LRRC4B: variants seen among roughly 807,000 people sequenced by gnomAD.
LRRC4B encodes leucine rich repeat containing 4B.
In LRRC4B, 1 loss-of-function variant was observed where a neutral mutation model predicts 7.3. The ratio of observed to expected loss-of-function variants is 0.14; its 90% CI spans 0.05 to 0.65. The LOEUF is 0.65. LRRC4B is among the 30% of genes least tolerant of loss of function. The pLI, the probability that LRRC4B is intolerant of heterozygous loss-of-function variation, is 0.84. For synonymous variants in LRRC4B, 500 were observed against 499.2 expected (o/e 1.00, Z -0.02); for missense variants, 730 against 1,041.6 (o/e 0.70, Z 4.12).
chr19:50,519,075 T>C lies in LRRC4B; in HGVS notation c.638A>G (p.Asn213Ser). ...GTCCTTGAGGTTGCACATGCCCAGGTTGAGGTAGCGCAGGTTGACCAGCCC... is the reference window on the plus strand; with the variant it reads ...GTCCTTGAGGTTGCACATGCCCAGGCTGAGGTAGCGCAGGTTGACCAGCCC... ...FEGLVNLRYL[N>S]LGMCNLKDIP... The change falls in exon 3 of 3, where the codon AAC becomes AGC. Residue 213 changes from asparagine to serine, a missense_variant. Asn to Ser is a conservative substitution (Grantham distance 46). Around this residue, in one of 6 missense-constraint regions of LRRC4B, gnomAD observed 226 missense variants for 448.0 expected, o/e 0.50. Transcript: ENST00000652263. This position sits in a 1 kb window ranked among gnomAD's most constrained non-coding sequence, Gnocchi z 8.1. 6.2e-7 allele frequency: 1 copy of C among 1,608,844 alleles called. No homozygotes were observed. The highest frequency in any genetic ancestry group is 8.5e-7 in the Non-Finnish European group (1 of 1,179,856).
rs146424207 is a variant in LRRC4B, at chr19:50,545,178, C to T, written c.297+3364G>A. Among the ~76,000 whole-genome samples the T allele has an allele frequency of 4.3e-3, 647 of 150,842 alleles. 20 individuals carry two copies. Among genetic ancestry groups the T allele is most frequent in the Admixed American group, 0.04 (598 of 15,134 alleles). ...ATCCTGGCACTTTGGGAGTCCGAGG[C>T]GGGCAGATCATCTGAGGTCGGGAGT... On this transcript the variant is annotated intron_variant, in intron 2 of 2. Transcript: ENST00000652263.
In LRRC4B at chr19:50,519,466, G is replaced by C; in HGVS notation, c.298-51C>G. On this transcript the variant is annotated intron_variant, in intron 2 of 2. Transcript: ENST00000652263. The surrounding 1 kb of genome is among the most constrained non-coding windows in gnomAD (Gnocchi z 8.1). ...TCACGGAGATACTGACGGGGACCGT[G>C]GGGGGATCACCAAGGTCCCGGGCGC... The C allele has an allele frequency of 6.7e-7, 1 of 1,484,660 alleles. No homozygotes were observed. The highest frequency in any genetic ancestry group is 1.4e-5 in the African/African-American group (1 of 71,820). The allele number at this position is 1,484,660 out of a possible 1,614,324, so 92.0% of individuals were successfully genotyped here.
chr19:50,567,440 G>C (rs577274226), intron 1 of LRRC4B, among the ~76,000 whole-genome samples: 1 of 151,602 alleles, frequency 6.6e-6, no homozygotes, highest in Admixed American at 6.6e-5. Flanking sequence ...CACGGCAACC[G>C]CTCTTGCCAG....
At chr19:50,547,855 G>A (rs1981880887) in intron 2 of LRRC4B, among the ~76,000 whole-genome samples, 1 of 151,784 alleles carries the variant, frequency 6.6e-6, no homozygotes, top group African/African-American at 2.4e-5. Context: ...TTGAGTGGCA[G>A]CTGCCCCATC....
chr19:50,567,488 C>T (rs1982667607), intron 1 of LRRC4B, among the ~76,000 whole-genome samples: 1 of 151,882 alleles, frequency 6.6e-6, no homozygotes, highest in African/African-American at 2.4e-5. Flanking sequence ...CGCCTCTCCC[C>T]CCTCCCCATC....
In LRRC4B at chr19:50,518,083, G is replaced by A. The variant is rs751453302; in HGVS notation, c.1630C>T (p.Arg544Cys). 3 of 1,595,564 alleles carry A rather than the reference G, an allele frequency of 1.9e-6. No individual in the cohort carries two copies. Among genetic ancestry groups the A allele is most frequent in the Non-Finnish European group, 2.6e-6 (3 of 1,173,886 alleles). Residue 544 changes from arginine (R) to cysteine (C), a missense_variant, in exon 3 of 3, where the codon CGC becomes TGC. Arg to Cys is a radical substitution (Grantham distance 180). Coordinates refer to ENST00000652263, the MANE Select transcript of LRRC4B (RefSeq NM_001080457.2). ...GCCTTCTCCGTGGGCCGCGAGGAGC[G>A]CGGGGCGGGTGCCGTGGTAGAAGAC... Reference protein sequence around the residue: ...ASSSTTAPAPRSSRPTEKAFT... With the variant: ...ASSSTTAPAPCSSRPTEKAFT...
chr19:50,543,852 CA>C (rs36044151), intron 2 of LRRC4B, among the ~76,000 whole-genome samples: 441 of 83,364 alleles, frequency 5.3e-3, no homozygotes, highest in African/African-American at 0.015. Flanking sequence ...GCCTCCATCT[CA>C]AAAAAAAAAA....
chr19:50,559,049 A>G (rs1478251101), intron 1 of LRRC4B, among the ~76,000 whole-genome samples: 3 of 152,254 alleles, frequency 2.0e-5, no homozygotes, highest in Non-Finnish European at 4.4e-5. Context: ...ACAGAAGGGC[A>G]CACTGAGGCA....
At chr19:50,559,909 A>ATG (rs1267125961) in intron 1 of LRRC4B, among the ~76,000 whole-genome samples, 8 of 152,126 alleles carry the variant, frequency 5.3e-5, no homozygotes, top group Non-Finnish European at 4.4e-5. Context: ...TGAGGCGGGC[A>ATG]GATCACTTGA....
chr19:50,551,301 G>A (rs1255996155), intron 1 of LRRC4B, among the ~76,000 whole-genome samples: 1 of 151,128 alleles, frequency 6.6e-6, no homozygotes, highest in Non-Finnish European at 1.5e-5. Context: ...TTCCTGTCGA[G>A]ATCGTGCTGG....
chr19:50,522,459 ATTATTTATTTATTTAT>A (rs71332009), intron 2 of LRRC4B, among the ~76,000 whole-genome samples: 1 of 147,094 alleles, frequency 6.8e-6, no homozygotes, highest in East Asian at 2.0e-4. Flanking sequence ...TATTTTATTT[ATTATTTATTTATTTAT>A]TTATTTATTT....
chr19:50,558,797 G>C (rs1982366308), intron 1 of LRRC4B, among the ~76,000 whole-genome samples: 1 of 152,232 alleles, frequency 6.6e-6, no homozygotes, highest in African/African-American at 2.4e-5. Flanking sequence ...CTGAGTCCCT[G>C]AAGTGCCGCT....
chr19:50,518,312 G>T lies in LRRC4B; in HGVS notation c.1401C>A (p.Gly467=), dbSNP rs576432220. 6.2e-7 allele frequency: 1 copy of T among 1,604,760 alleles called. No homozygotes were observed. The highest frequency in any genetic ancestry group is 1.3e-5 in the African/African-American group (1 of 74,620). Residue 467 remains glycine, a synonymous_variant, in exon 3 of 3, where the codon GGC becomes GGA. Coordinates refer to ENST00000652263, the MANE Select transcript of LRRC4B (RefSeq NM_001080457.2). Reference sequence around the variant, plus strand: ...CACCACTGCCCCCAGGGCCGCCCCCGCCGCTGCCGGTGCCCCCGGCCGCCA... The same window carrying T: ...CACCACTGCCCCCAGGGCCGCCCCCTCCGCTGCCGGTGCCCCCGGCCGCCA... ...DPVAAGGTGS[G]GGGPGGSGGV...
chr19:50,529,091 T>C lies in LRRC4B; in HGVS notation c.298-9676A>G, dbSNP rs564893148. 3.3e-5 allele frequency among the ~76,000 whole-genome samples: 5 copies of C among 152,178 alleles called. No individual in the cohort carries two copies. The South Asian group carries it at 1.0e-3, about 32-fold the overall frequency. ...CCCCCCCAGAGCTTGCATTTCTTCCTCAGAGAGAGTATCTGGGGAAGAACC... is the reference window on the plus strand; with the variant it reads ...CCCCCCCAGAGCTTGCATTTCTTCCCCAGAGAGAGTATCTGGGGAAGAACC... On this transcript the variant is annotated intron_variant, in intron 2 of 2. Coordinates refer to ENST00000652263, the MANE Select transcript of LRRC4B (RefSeq NM_001080457.2).
chr19:50,550,032 C>T (rs573390008), intron 1 of LRRC4B, among the ~76,000 whole-genome samples: 39 of 152,282 alleles, frequency 2.6e-4, no homozygotes, highest in African/African-American at 3.9e-4. Context: ...GTCACAGCAA[C>T]GATACCAGTA....
At chr19:50,565,570 AGG>A (rs1982603426) in intron 1 of LRRC4B, among the ~76,000 whole-genome samples, 1 of 144,716 alleles carries the variant, frequency 6.9e-6, no homozygotes, top group Non-Finnish European at 1.5e-5. Context: ...TGTACCTGCC[AGG>A]GGAATCTTTG....
chr19:50,556,777 C>A lies in LRRC4B; in HGVS notation c.-35-7904G>T, dbSNP rs1982289576. Reference sequence around the variant, plus strand: ...GCGCCCCCTACCGGCAGTTCCTCTGCTGGCACCCGAGGCAAGGAGCCCTGG... The same window carrying A: ...GCGCCCCCTACCGGCAGTTCCTCTGATGGCACCCGAGGCAAGGAGCCCTGG... On this transcript the variant is annotated intron_variant, in intron 1 of 2. Transcript: ENST00000652263. The surrounding 1 kb of genome is among the most constrained non-coding windows in gnomAD (Gnocchi z 4.2). Among the ~76,000 whole-genome samples the A allele has an allele frequency of 6.6e-6, 1 of 152,118 alleles. No homozygotes were observed. Among genetic ancestry groups the A allele is most frequent in the Admixed American group, 6.5e-5 (1 of 15,284 alleles).
At position 50,537,961 on chromosome 19, in the gene LRRC4B, G is replaced by A. The variant is rs763323323; in HGVS notation, c.297+10581C>T. On this transcript the variant is annotated intron_variant, in intron 2 of 2. Coordinates refer to ENST00000652263, the MANE Select transcript of LRRC4B (RefSeq NM_001080457.2). The surrounding 1 kb of genome is among the most constrained non-coding windows in gnomAD (Gnocchi z 5.5). ...CCAGAGGACCTCCTGGCTGCTGGTC[G>A]CAGGCCCGCGGCTGGGGAATGTCCC... is the stretch of plus-strand genomic sequence containing the variant. Among the ~76,000 whole-genome samples, 19 of 152,192 alleles carry A rather than the reference G, an allele frequency of 1.2e-4. No individual in the cohort carries two copies. The highest frequency in any genetic ancestry group is 1.6e-4 in the Non-Finnish European group (11 of 68,036).
intron 1 of LRRC4B, among the ~76,000 whole-genome samples, chr19:50,565,020 AT>A (rs372027833): frequency 5.4e-4 from 82 of 152,182 alleles, no homozygotes; most frequent in African/African-American, 1.9e-3. Context: ...TGATGTCTTA[AT>A]TCTGCTGACC....
Sources: allele counts gnomAD v4.1 joint callset (sites outside exome capture counted in the v4.1 genomes callset), GRCh38; gene constraint gnomAD v4.1.1; regional missense constraint gnomAD v4.1.1; non-coding constraint Gnocchi (gnomAD v3.1); transcripts MANE v1.5; gene names NCBI Gene and HGNC (gene_info 2026-07-23, HGNC 2026-07-21).